The following NRXN1 variants were observed in gnomAD, a reference collection of about 807,000 sequenced individuals.
The protein encoded by NRXN1 is neurexin 1.
NRXN1 carries 39 observed loss-of-function variants against 150.9 expected under a neutral mutation model. The observed-to-expected ratio is 0.26, with a 90% confidence interval of 0.20 to 0.34. The LOEUF (loss-of-function observed/expected upper bound fraction) is 0.34, where lower values mean the gene tolerates loss of function less well. Among genes scored for constraint, NRXN1 ranks in the 10% least tolerant of loss-of-function variants. NRXN1 has a pLI of 1.00. For synonymous variants in NRXN1, 924 were observed against 757.0 expected (o/e 1.22, Z -3.62); for missense variants, 1,815 against 1,949.9 (o/e 0.93, Z 1.30).
At chr2:50,555,883 T>A (rs1181666538) in intron 8 of NRXN1, among the ~76,000 whole-genome samples, 2 of 152,174 alleles carry the variant, frequency 1.3e-5, no homozygotes, top group Non-Finnish European at 2.9e-5. Flanking sequence ...ACACATTTTG[T>A]GGGGTATAAA....
At chr2:50,120,948 T>C (rs1703769506) in intron 18 of NRXN1, among the ~76,000 whole-genome samples, 1 of 152,234 alleles carries the variant, frequency 6.6e-6, no homozygotes, top group Non-Finnish European at 1.5e-5. Flanking sequence ...TAGAGTGCGA[T>C]ACTAACAGGA....
chr2:50,328,401 C>T (rs11898576), intron 17 of NRXN1, among the ~76,000 whole-genome samples: 36,261 of 151,834 alleles, frequency 0.24, 5,411 homozygotes, highest in East Asian at 0.49. Flanking sequence ...CATTTAATTC[C>T]CTCACTCTCC....
intron 22 of NRXN1, among the ~76,000 whole-genome samples, chr2:49,928,415 T>C (rs1271128476): frequency 6.6e-6 from 1 of 152,170 alleles, no homozygotes; most frequent in Non-Finnish European, 1.5e-5. Flanking sequence ...CCTAAAATGA[T>C]CTCATTAGAC....
intron 5 of NRXN1, among the ~76,000 whole-genome samples, chr2:50,713,313 C>CA (rs59339405): frequency 2.1e-4 from 30 of 140,344 alleles, no homozygotes; most frequent in South Asian, 4.5e-4. Flanking sequence ...GACTCTGTCT[C>CA]AAAAAAAAAA....
At chr2:50,776,076 A>T (rs1703598498) in intron 5 of NRXN1, among the ~76,000 whole-genome samples, 1 of 152,126 alleles carries the variant, frequency 6.6e-6, no homozygotes, top group South Asian at 2.1e-4. Context: ...GAACAAATCG[A>T]CTGTCATTTT....
At chr2:50,626,277 A>G (rs965373281) in intron 5 of NRXN1, among the ~76,000 whole-genome samples, 12 of 151,878 alleles carry the variant, frequency 7.9e-5, no homozygotes, top group Non-Finnish European at 1.5e-4. Context: ...TTAAAAAAAC[A>G]GGTAAAAAGC....
intron 22 of NRXN1, among the ~76,000 whole-genome samples, chr2:49,927,677 A>G (rs1013597): frequency 0.21 from 31,816 of 152,134 alleles, 3,534 homozygotes; most frequent in East Asian, 0.3. Context: ...GCAACTCTGC[A>G]TGATAAATGG....
At chr2:50,809,355 C>T (rs17041047) in intron 5 of NRXN1, among the ~76,000 whole-genome samples, 34,875 of 151,942 alleles carry the variant, frequency 0.23, 4,286 homozygotes, top group African/African-American at 0.31. Context: ...CAAATCCTCT[C>T]GCTAAGGAAT....
At chr2:50,658,306 C>A (rs923178328) in intron 5 of NRXN1, among the ~76,000 whole-genome samples, 1 of 151,770 alleles carries the variant, frequency 6.6e-6, no homozygotes. Context: ...GGATCCTTGA[C>A]CTGCCCAATG....
At chr2:50,889,567 C>G (rs1297521315) in intron 5 of NRXN1, among the ~76,000 whole-genome samples, 1 of 151,750 alleles carries the variant, frequency 6.6e-6, no homozygotes, top group African/African-American at 2.4e-5. Flanking sequence ...TGTGGTATAA[C>G]GTGTACATTA....
intron 18 of NRXN1, among the ~76,000 whole-genome samples, chr2:50,224,698 AGAGAGAGAGAGAGAG>A (rs2064200841): frequency 1.7e-5 from 1 of 60,552 alleles, no homozygotes; most frequent in Admixed American, 1.8e-4. Flanking sequence ...GGAGAAAGAG[AGAGAGAGAGAGAGAG>A]AGAGAGAGAG....
chr2:50,608,535 G>C (rs897118411), intron 8 of NRXN1, among the ~76,000 whole-genome samples: 2 of 116,458 alleles, frequency 1.7e-5, no homozygotes, highest in African/African-American at 5.8e-5. Context: ...TTAGTTACAT[G>C]TCCTTGTTTA....
At chr2:50,352,807 A>ATAATAATAT (rs2078522329) in intron 17 of NRXN1, among the ~76,000 whole-genome samples, 1 of 148,142 alleles carries the variant, frequency 6.8e-6, no homozygotes, top group African/African-American at 2.5e-5. Context: ...AATAATAATA[A>ATAATAATAT]TGCCAGGCTA....
chr2:50,592,659 C>T (rs1291696856), intron 8 of NRXN1, among the ~76,000 whole-genome samples: 1 of 152,182 alleles, frequency 6.6e-6, no homozygotes, highest in African/African-American at 2.4e-5. Flanking sequence ...CTATCACACT[C>T]AGGGCTTAGA....
chr2:49,992,913 T>C (rs1458044842), intron 21 of NRXN1, among the ~76,000 whole-genome samples: 1 of 152,196 alleles, frequency 6.6e-6, no homozygotes, highest in Non-Finnish European at 1.5e-5. Flanking sequence ...CAACACCAAA[T>C]GCTGGCAAGG....
intron 17 of NRXN1, among the ~76,000 whole-genome samples, chr2:50,405,440 G>A (rs1208664450): frequency 1.3e-5 from 2 of 152,168 alleles, no homozygotes; most frequent in Middle Eastern, 3.4e-3. Flanking sequence ...GATCTCTTAA[G>A]GGCAATGCAA....
rs73930205 is a variant in NRXN1 at position 50,843,644 on chromosome 2, C to T, written c.832+78225G>A. Among the ~76,000 whole-genome samples, 814 of 152,246 alleles carry T rather than the reference C, an allele frequency of 5.3e-3. 17 individuals are homozygous for T. The highest frequency in any genetic ancestry group is 0.019 in the African/African-American group (770 of 41,536). ...CCAGTGAGAACTGAAACTACCTATC[C>T]GCCATCCAGGTTACTGTTTACATTA... On this transcript the variant is annotated intron_variant, in intron 5 of 22. Coordinates refer to ENST00000401669, the MANE Select transcript of NRXN1 (RefSeq NM_001330078.2).
intron 17 of NRXN1, among the ~76,000 whole-genome samples, chr2:50,247,448 C>T (rs537103162): frequency 1.4e-3 from 213 of 152,256 alleles, no homozygotes; most frequent in African/African-American, 4.9e-3. Context: ...TCAAAGCTAG[C>T]ATCACCAGTA....
At chr2:50,888,229 C>T (rs1289435043) in intron 5 of NRXN1, among the ~76,000 whole-genome samples, 3 of 151,452 alleles carry the variant, frequency 2.0e-5, no homozygotes, top group African/African-American at 4.8e-5. Context: ...AAAAACACAA[C>T]GCAAAAACCT....
Sources: allele counts gnomAD v4.1 joint callset (sites outside exome capture counted in the v4.1 genomes callset), GRCh38; gene constraint gnomAD v4.1.1; transcripts MANE v1.5; gene names NCBI Gene and HGNC (gene_info 2026-07-23, HGNC 2026-07-21).